The following SGCD variants were observed in gnomAD, a reference collection of about 807,000 sequenced individuals.
The protein encoded by SGCD is delta-sarcoglycan.
Under a neutral mutation model 36.6 loss-of-function variants are expected in SGCD, and 18 were observed. The ratio of observed to expected loss-of-function variants is 0.49; its 90% CI spans 0.34 to 0.73. SGCD has a LOEUF of 0.73. Ranked by LOEUF, SGCD falls within the 30% of genes least tolerant of loss-of-function variation. The pLI, the probability that SGCD is intolerant of heterozygous loss-of-function variation, is 0.01. For synonymous variants in SGCD, 133 were observed against 130.6 expected, an observed-to-expected ratio of 1.02 and a Z score of -0.12; for missense variants, 387 against 346.7, an observed-to-expected ratio of 1.12 and a Z score of -0.92.
rs1342421359 is a variant in SGCD, at chr5:156,346,783, T to TA, written c.192+2106_192+2107insA. 2.2e-4 allele frequency among the ~76,000 whole-genome samples: 34 copies of TA among 151,724 alleles called. 1 individual carries two copies. The East Asian group carries it at 5.3e-3, about 23-fold the overall frequency. ...ACTTCTCAACTTGGGCTTTACTTTA[T>TA]TTTTTTATTTTTTTTATTTTTTTAT... On this transcript the variant is annotated intron_variant, in intron 3 of 8. Transcript: ENST00000337851.
At chr5:156,594,881 C>G in intron 5 of SGCD, 51 bp from the exon 6 acceptor site, 4 of 1,192,798 alleles carry the variant, frequency 3.4e-6, no homozygotes, top group African/African-American at 1.5e-5. Flanking sequence ...TGTTTTCTCT[C>G]TCTCTCTCTC....
intron 3 of SGCD, chr5:156,458,341 A>T (rs1754344013): frequency 9.1e-7 from 1 of 1,097,070 alleles, no homozygotes; most frequent in Non-Finnish European, 1.4e-6. Context: ...GCGTGACTGT[A>T]GGTTTTGGGG....
intron 3 of SGCD, among the ~76,000 whole-genome samples, chr5:156,428,184 G>C (rs907328981): frequency 6.6e-6 from 1 of 151,910 alleles, no homozygotes; most frequent in East Asian, 1.9e-4. Context: ...TTTGTTGGTA[G>C]GTAATTTTTA....
At chr5:156,090,267 G>A (rs982581836) in intron 1 of SGCD, among the ~76,000 whole-genome samples, 2 of 152,050 alleles carry the variant, frequency 1.3e-5, no homozygotes, top group Non-Finnish European at 2.9e-5. Context: ...CACTACTATC[G>A]GGAGAACCAG....
At chr5:156,095,467 T>C (rs543728768) in intron 1 of SGCD, among the ~76,000 whole-genome samples, 1 of 152,292 alleles carries the variant, frequency 6.6e-6, no homozygotes, top group South Asian at 2.1e-4. Context: ...TCTGCTCACA[T>C]AGACAACAGT....
intron 4 of SGCD, among the ~76,000 whole-genome samples, chr5:156,528,347 G>C (rs1757728568): frequency 6.6e-6 from 1 of 152,092 alleles, no homozygotes; most frequent in Admixed American, 6.5e-5. Flanking sequence ...GTAGAACACT[G>C]TATAATATTT....
chr5:156,475,085 C>T (rs1205884059), intron 3 of SGCD, among the ~76,000 whole-genome samples: 1 of 152,118 alleles, frequency 6.6e-6, no homozygotes, highest in Non-Finnish European at 1.5e-5. Flanking sequence ...CAAAATATGC[C>T]AGGCTCCACC....
chr5:156,553,276 C>T lies in SGCD; in HGVS notation c.295-35955C>T, dbSNP rs557235169. On this transcript the variant is annotated intron_variant, in intron 4 of 8. Coordinates refer to ENST00000337851, the MANE Select transcript of SGCD (RefSeq NM_000337.6). ...CATCAGTAGGGATCACATTTCAACA[C>T]GAGGTTTAGAGGGAACAAACATTCA... is the stretch of plus-strand genomic sequence containing the variant. 4.2e-4 allele frequency among the ~76,000 whole-genome samples: 64 copies of T among 152,266 alleles called. 1 individual carries two copies. The South Asian group carries it at 0.012, about 30-fold the overall frequency.
the SGCD span, among the ~76,000 whole-genome samples, chr5:155,746,025 C>T: frequency 6.9e-4 from 105 of 151,940 alleles, no homozygotes; most frequent in African/African-American, 2.3e-3. Flanking sequence ...TGACACATAC[C>T]GAAATATTTA....
chr5:155,904,754 G>T (rs1480729134), intron 1 of SGCD, among the ~76,000 whole-genome samples: 1 of 152,100 alleles, frequency 6.6e-6, no homozygotes. Context: ...TAATCTCAAA[G>T]AAATAACATA....
chr5:156,384,606 A>G (rs1395028958), intron 3 of SGCD, among the ~76,000 whole-genome samples: 1 of 152,174 alleles, frequency 6.6e-6, no homozygotes, highest in Non-Finnish European at 1.5e-5. Flanking sequence ...GCCAAGAGAG[A>G]ATTAACTCTT....
intron 6 of SGCD, among the ~76,000 whole-genome samples, chr5:156,610,496 C>T (rs166810): frequency 0.025 from 3,743 of 152,336 alleles, 157 homozygotes; most frequent in Admixed American, 0.1. Context: ...GTCAGGGACC[C>T]ACTTGAGGGG....
At chr5:155,771,172 T>G in the SGCD span, among the ~76,000 whole-genome samples, 1 of 152,152 alleles carries the variant, frequency 6.6e-6, no homozygotes, top group Non-Finnish European at 1.5e-5. Context: ...TTCAGTTTGT[T>G]AATACTCGGA....
At chr5:155,941,213 A>G (rs1242202646) in intron 1 of SGCD, among the ~76,000 whole-genome samples, 16 of 152,246 alleles carry the variant, frequency 1.1e-4, no homozygotes, top group Non-Finnish European at 2.4e-4. Context: ...ACGTTAATCA[A>G]TTCATAAGGG....
the SGCD span, among the ~76,000 whole-genome samples, chr5:155,858,590 A>T: frequency 7.2e-5 from 11 of 152,132 alleles, no homozygotes; most frequent in African/African-American, 2.2e-4. Flanking sequence ...ACTTTTTTTC[A>T]CTGTCAAAAT....
the SGCD span, among the ~76,000 whole-genome samples, chr5:155,791,469 A>G: frequency 6.6e-6 from 1 of 152,176 alleles, no homozygotes; most frequent in African/African-American, 2.4e-5. Context: ...AAGTCAAACT[A>G]TCTCTCTTTG....
intron 5 of SGCD, among the ~76,000 whole-genome samples, chr5:156,590,916 T>C (rs1477368355): frequency 1.3e-5 from 2 of 151,926 alleles, no homozygotes; most frequent in African/African-American, 4.8e-5. Context: ...CCCTTGTTTC[T>C]TCCTCCTTCT....
At chr5:156,310,574 C>G (rs1427097906) in intron 3 of SGCD, among the ~76,000 whole-genome samples, 3 of 152,142 alleles carry the variant, frequency 2.0e-5, no homozygotes, top group Non-Finnish European at 4.4e-5. Context: ...AAATAGCAAG[C>G]CTTTAGTAGA....
chr5:156,753,243 G>T (rs550275027), intron 7 of SGCD, among the ~76,000 whole-genome samples: 1 of 152,084 alleles, frequency 6.6e-6, no homozygotes, highest in African/African-American at 2.4e-5. Context: ...GCCCAGCTCC[G>T]GCCCCCACCC....
Sources: allele counts gnomAD v4.1 joint callset (sites outside exome capture counted in the v4.1 genomes callset), GRCh38; gene constraint gnomAD v4.1.1; transcripts MANE v1.5; gene names NCBI Gene and HGNC (gene_info 2026-07-23, HGNC 2026-07-21).